Variants in TMEM143 observed in about 807,000 individuals in gnomAD.
TMEM143 encodes the protein transmembrane protein 143.
In TMEM143, 45 loss-of-function variants were observed where a neutral mutation model predicts 40.3. That is an observed-to-expected ratio of 1.12 (90% CI 0.88 to 1.43). The LOEUF (loss-of-function observed/expected upper bound fraction) is 1.43. Ranked by LOEUF, TMEM143 falls within the 40% of genes most tolerant of loss-of-function variation. The pLI is 0.00. For missense variants in TMEM143, 620 were observed against 613.4 expected (o/e 1.01, Z -0.11); for synonymous variants, 299 against 282.7 (o/e 1.06, Z -0.58).
At chr19:48,356,057 G>A (rs2147382784) in intron 3 of TMEM143, among the ~76,000 whole-genome samples, 1 of 152,290 alleles carries the variant, frequency 6.6e-6, no homozygotes, top group Admixed American at 6.5e-5. Context: ...ACCGGGAGAG[G>A]ACAGCTGGAC....
chr19:48,353,518 C>T (rs976440269), intron 3 of TMEM143, among the ~76,000 whole-genome samples: 2 of 151,782 alleles, frequency 1.3e-5, no homozygotes, highest in Non-Finnish European at 2.9e-5. Flanking sequence ...TAACTACATC[C>T]CATGCAATAT....
intron 3 of TMEM143, among the ~76,000 whole-genome samples, chr19:48,352,262 A>AAAACAAAACAAAAAAAAAAAAAAAAC (rs74518287): frequency 2.1e-5 from 3 of 145,062 alleles, no homozygotes; most frequent in Non-Finnish European, 4.5e-5. Flanking sequence ...AAAAAAAAAA[A>AAAACAAAACAAAAAAAAAAAAAAAAC]CACCATATCT....
chr19:48,334,436 TTC>T (rs57223591), intron 6 of TMEM143, among the ~76,000 whole-genome samples: 8,202 of 48,190 alleles, frequency 0.17, 374 homozygotes, highest in Middle Eastern at 0.38. Flanking sequence ...CTTTCTTTCT[TTC>T]TTTCTTTCTT....
intron 3 of TMEM143, 153 bp downstream of exon 3, chr19:48,359,919 G>C: frequency 1.5e-6 from 1 of 658,568 alleles, no homozygotes; most frequent in Non-Finnish European, 2.5e-6. Context: ...TGGAATGTTG[G>C]CTCCATGAGG....
intron 3 of TMEM143, among the ~76,000 whole-genome samples, chr19:48,352,477 A>G (rs1278198568): frequency 6.6e-6 from 1 of 150,754 alleles, no homozygotes; most frequent in Admixed American, 6.6e-5. Context: ...TTAATTAAAA[A>G]AAAAAAAATT....
chr19:48,341,136 C>T (rs1969477155), intron 6 of TMEM143, among the ~76,000 whole-genome samples: 1 of 152,128 alleles, frequency 6.6e-6, no homozygotes, highest in South Asian at 2.1e-4. Flanking sequence ...TGATCGCGTA[C>T]GACAGATGCT....
At chr19:48,358,674 T>C (rs1969965927) in intron 3 of TMEM143, among the ~76,000 whole-genome samples, 1 of 152,220 alleles carries the variant, frequency 6.6e-6, no homozygotes, top group African/African-American at 2.4e-5. Context: ...TTTTTCACCA[T>C]TTCCATCGCT....
intron 2 of TMEM143, among the ~76,000 whole-genome samples, chr19:48,360,887 A>C (rs927923866): frequency 6.6e-6 from 1 of 152,054 alleles, no homozygotes; most frequent in African/African-American, 2.4e-5. Flanking sequence ...CCTGGGATGA[A>C]GCGATCCTCC....
At chr19:48,337,602 T>C (rs1293946550) in intron 6 of TMEM143, among the ~76,000 whole-genome samples, 2 of 150,562 alleles carry the variant, frequency 1.3e-5, no homozygotes, top group Non-Finnish European at 3.0e-5. Flanking sequence ...TCAGAAACAC[T>C]TACCAAACAT....
chr19:48,346,631 G>A (rs1231306412), intron 3 of TMEM143, among the ~76,000 whole-genome samples: 2 of 151,672 alleles, frequency 1.3e-5, no homozygotes, highest in African/African-American at 4.8e-5. Context: ...AGGGTGGAGT[G>A]CAATGGCATG....
In TMEM143 at chr19:48,334,493, TTTCG is replaced by T. The variant is rs1415961493; in HGVS notation, c.976-300_976-297del. 2.8e-4 allele frequency among the ~76,000 whole-genome samples: 40 copies of T among 143,500 alleles called. No homozygotes were observed. In the South Asian group the frequency reaches 7.9e-3, roughly 28 times the overall value. 94.1% of individuals were successfully genotyped at this position (143,500 alleles called of 152,430 possible). On this transcript the variant is annotated intron_variant, in intron 6 of 7. Transcript: ENST00000293261. ...TTCTTTCTTTCTTTTTCTTTCTTTC[TTTCG>T]TTCTTTCTTTCTTTTCTTTCTTTCT...
At chr19:48,356,412 C>A (rs1969895185) in intron 3 of TMEM143, among the ~76,000 whole-genome samples, 1 of 147,720 alleles carries the variant, frequency 6.8e-6, no homozygotes, top group East Asian at 2.0e-4. Flanking sequence ...AGGCGTGAGT[C>A]ACCACGCCCG....
At chr19:48,340,721 C>A (rs1969469245) in intron 6 of TMEM143, among the ~76,000 whole-genome samples, 1 of 152,168 alleles carries the variant, frequency 6.6e-6, no homozygotes, top group African/African-American at 2.4e-5. Flanking sequence ...CCCCTCCCCT[C>A]TGCCCTCCAT....
At chr19:48,355,978 C>T (rs1305432902) in intron 3 of TMEM143, among the ~76,000 whole-genome samples, 1 of 152,220 alleles carries the variant, frequency 6.6e-6, no homozygotes, top group Non-Finnish European at 1.5e-5. Flanking sequence ...AGGAGCATCC[C>T]TGGTTGGCAG....
chr19:48,339,653 T>C (rs1969445481), intron 6 of TMEM143, among the ~76,000 whole-genome samples: 1 of 151,716 alleles, frequency 6.6e-6, no homozygotes, highest in Non-Finnish European at 1.5e-5. Context: ...AAGACAGAGA[T>C]CTGGGAGCAA....
At chr19:48,334,497 GTTCTTTCT>G (rs566820031) in intron 6 of TMEM143, among the ~76,000 whole-genome samples, 1 of 45,616 alleles carries the variant, frequency 2.2e-5, no homozygotes, top group Non-Finnish European at 4.6e-5. Flanking sequence ...TCTTTCTTTC[GTTCTTTCT>G]TTCTTTTCTT....
chr19:48,336,881 C>T lies in TMEM143; in HGVS notation c.976-2684G>A, dbSNP rs1381104128. ...AAATACAAAAACAAAATTAGCTGGG[C>T]GTGGTGGTGGGTGCCTGTAGTCCCA... On this transcript the variant is annotated intron_variant, in intron 6 of 7. Coordinates refer to ENST00000293261, the MANE Select transcript of TMEM143 (RefSeq NM_018273.4). Among the ~76,000 whole-genome samples the T allele has an allele frequency of 2.0e-5, 3 of 147,688 alleles. No homozygotes were observed. In the East Asian group the frequency reaches 6.2e-4, roughly 30 times the overall value.
In TMEM143 at chr19:48,345,329, T is replaced by C. The variant is rs1176779792; in HGVS notation, c.395A>G (p.Asp132Gly). The stretch of plus-strand genomic sequence containing the variant: ...TGATGGCTGATCGAGGGTCTCCCTG[T>C]CAGGGTTGATGGGGTCATATAAGGC... Reference protein sequence around the residue: ...LQALYDPINPDRETLDQPSLT... With the variant: ...LQALYDPINPGRETLDQPSLT... Residue 132 changes from aspartate to glycine, a missense_variant, in exon 4 of 8, where the codon GAC becomes GGC. Coordinates refer to ENST00000293261, the MANE Select transcript of TMEM143 (RefSeq NM_018273.4). 2 of 1,583,398 alleles carry C rather than the reference T, an allele frequency of 1.3e-6. No individual in the cohort carries two copies. The highest frequency in any genetic ancestry group is 1.7e-6 in the Non-Finnish European group (2 of 1,165,814).
rs759192659 is a variant in TMEM143 at position 48,343,309 on chromosome 19, G to A, written c.695+12C>T. 1.2e-6 allele frequency: 2 copies of A among 1,608,178 alleles called. No homozygotes were observed. The highest frequency in any genetic ancestry group is 2.7e-5 in the African/African-American group (2 of 74,786). On this transcript the variant is annotated intron_variant, in intron 5 of 7. Coordinates refer to ENST00000293261, the MANE Select transcript of TMEM143 (RefSeq NM_018273.4). ...CCCTCTTGCTGCAGCTGGGGAACAA[G>A]GGCCGCCTCACCTCTCCGCAGGGGG...
Sources: allele counts gnomAD v4.1 joint callset (sites outside exome capture counted in the v4.1 genomes callset), GRCh38; gene constraint gnomAD v4.1.1; transcripts MANE v1.5; gene names NCBI Gene and HGNC (gene_info 2026-07-23, HGNC 2026-07-21).